The following NSMCE2 variants were observed in gnomAD, a reference collection of about 807,000 sequenced individuals.
NSMCE2 encodes the protein E3 SUMO-protein ligase NSE2.
Under a neutral mutation model 23.8 loss-of-function variants are expected in NSMCE2, and 24 were observed. That is an observed-to-expected ratio of 1.01 (90% CI 0.73 to 1.42). The LOEUF (loss-of-function observed/expected upper bound fraction) is 1.42. NSMCE2 is among the 40% of genes most tolerant of loss of function. The probability of loss-of-function intolerance (pLI) is 0.00; values close to 1 mark genes in which losing one functional copy is unlikely to be tolerated. For synonymous variants in NSMCE2, 92 were observed against 94.1 expected (o/e 0.98, Z 0.13); for missense variants, 284 against 296.5 (o/e 0.96, Z 0.31).
intron 1 of NSMCE2, chr8:125,094,368 TG>T (rs1236642991): frequency 6.6e-6 from 1 of 152,188 alleles, no homozygotes; most frequent in African/African-American, 2.4e-5. Context: ...CTGTATTTAT[TG>T]GGAGAGATTG....
At chr8:125,171,431 T>C (rs1822200873) in intron 4 of NSMCE2, among the ~76,000 whole-genome samples, 1 of 152,176 alleles carries the variant, frequency 6.6e-6, no homozygotes, top group Admixed American at 6.5e-5. Context: ...AATACTGAGC[T>C]CTTCAACCCC....
chr8:125,278,314 C>T (rs1438822646), intron 5 of NSMCE2, among the ~76,000 whole-genome samples: 3 of 152,146 alleles, frequency 2.0e-5, no homozygotes, highest in Non-Finnish European at 4.4e-5. Flanking sequence ...CCAGTAAGGC[C>T]CTTCAGAGCA....
chr8:125,244,415 G>C (rs1043661057), intron 5 of NSMCE2, among the ~76,000 whole-genome samples: 3 of 152,030 alleles, frequency 2.0e-5, no homozygotes, highest in Non-Finnish European at 4.4e-5. Context: ...GGCTAAGGGA[G>C]GGGGAAAGAA....
chr8:125,253,316 C>T (rs1391596413), intron 5 of NSMCE2, among the ~76,000 whole-genome samples: 1 of 152,170 alleles, frequency 6.6e-6, no homozygotes, highest in Non-Finnish European at 1.5e-5. Context: ...AGCTCAAAGC[C>T]TTGACCATGC....
chr8:125,353,896 A>G (rs905269210), intron 5 of NSMCE2, among the ~76,000 whole-genome samples: 1 of 113,608 alleles, frequency 8.8e-6, no homozygotes, highest in Non-Finnish European at 2.1e-5. Flanking sequence ...AAACTAAAAA[A>G]TAAAAAATAT....
chr8:125,240,441 A>T (rs1343869563), intron 5 of NSMCE2, among the ~76,000 whole-genome samples: 1 of 152,134 alleles, frequency 6.6e-6, no homozygotes, highest in Non-Finnish European at 1.5e-5. Context: ...TCAGAATTAC[A>T]TTACTGTCTT....
At chr8:125,109,092 C>T (rs1818606563) in intron 3 of NSMCE2, among the ~76,000 whole-genome samples, 1 of 152,160 alleles carries the variant, frequency 6.6e-6, no homozygotes, top group Non-Finnish European at 1.5e-5. Context: ...GGTATTGTAA[C>T]TAAGGTAAAA....
chr8:125,162,489 T>C (rs1821679338), intron 4 of NSMCE2, among the ~76,000 whole-genome samples: 1 of 150,016 alleles, frequency 6.7e-6, no homozygotes, highest in Admixed American at 6.6e-5. Flanking sequence ...TAATTAATGA[T>C]TTTTTTTTTC....
At chr8:125,261,981 C>T (rs566004370) in intron 5 of NSMCE2, among the ~76,000 whole-genome samples, 3 of 151,914 alleles carry the variant, frequency 2.0e-5, no homozygotes, top group African/African-American at 7.3e-5. Context: ...CCTGTCATCT[C>T]AATTACTCGG....
chr8:125,151,940 G>T (rs940590538), intron 4 of NSMCE2, among the ~76,000 whole-genome samples: 2 of 152,130 alleles, frequency 1.3e-5, no homozygotes, highest in African/African-American at 4.8e-5. Context: ...AACTGATTTT[G>T]TATACCTGTG....
chr8:125,094,954 G>A (rs1324219322), intron 1 of NSMCE2, among the ~76,000 whole-genome samples: 1 of 152,158 alleles, frequency 6.6e-6, no homozygotes, highest in East Asian at 1.9e-4. Flanking sequence ...CCCGGCTCAA[G>A]CGATCCTACC....
chr8:125,250,756 T>A (rs1329888847), intron 5 of NSMCE2, among the ~76,000 whole-genome samples: 1 of 152,098 alleles, frequency 6.6e-6, no homozygotes, highest in African/African-American at 2.4e-5. Context: ...GCTCAAGAGA[T>A]CCTCCAACCT....
chr8:125,201,118 C>T (rs940527469), intron 5 of NSMCE2, among the ~76,000 whole-genome samples: 8 of 152,188 alleles, frequency 5.3e-5, no homozygotes, highest in African/African-American at 1.7e-4. Context: ...TTAGAACATG[C>T]TCCTTTAGCT....
In NSMCE2 at chr8:125,226,417, G is replaced by A. The variant is rs149343296; in HGVS notation, c.418+44161G>A. ...AGTGCATCCTTTGTAACTGAAGCTA[G>A]TGCAAATGAGGACAGGAGTGGAGGG... On this transcript the variant is annotated intron_variant, in intron 5 of 7. Transcript: ENST00000287437. Among the ~76,000 whole-genome samples the A allele has an allele frequency of 1.1e-4, 16 of 152,326 alleles. No homozygotes were observed. The East Asian group carries it at 2.9e-3, about 28-fold the overall frequency.
rs1829812083 is a variant in NSMCE2, at chr8:125,330,017, G to A, written c.419-27202G>A. 2.0e-5 allele frequency among the ~76,000 whole-genome samples: 3 copies of A among 152,152 alleles called. No homozygotes were observed. The South Asian group carries it at 6.2e-4, about 32-fold the overall frequency. On this transcript the variant is annotated intron_variant, in intron 5 of 7. Coordinates refer to ENST00000287437, the MANE Select transcript of NSMCE2 (RefSeq NM_173685.4). ...CTAGAATCATTGACCCTGAGGTTGG[G>A]AGTTAAAGCCAAAGGTGGGTAAGCT...
chr8:125,362,425 T>C (rs1253942937), intron 7 of NSMCE2, among the ~76,000 whole-genome samples: 2 of 152,206 alleles, frequency 1.3e-5, no homozygotes, highest in Non-Finnish European at 2.9e-5. Context: ...TAGCACCCCA[T>C]GTCATGCCAA....
At chr8:125,275,438 C>T (rs1827411907) in intron 5 of NSMCE2, among the ~76,000 whole-genome samples, 1 of 152,078 alleles carries the variant, frequency 6.6e-6, no homozygotes, top group African/African-American at 2.4e-5. Context: ...TTCCCTGTAC[C>T]CTCCCATGGT....
At chr8:125,291,212 T>A (rs780757851) in intron 5 of NSMCE2, among the ~76,000 whole-genome samples, 2 of 152,212 alleles carry the variant, frequency 1.3e-5, no homozygotes, top group Non-Finnish European at 2.9e-5. Context: ...CTAACTTTGC[T>A]TATTCATCCG....
At chr8:125,332,478 T>G (rs993866740) in intron 5 of NSMCE2, among the ~76,000 whole-genome samples, 2 of 152,372 alleles carry the variant, frequency 1.3e-5, no homozygotes, top group Admixed American at 6.5e-5. Flanking sequence ...GTTGTATCAA[T>G]TAAATGGTGC....
Sources: gnomAD v4.1 joint callset for allele counts (sites outside exome capture counted in the v4.1 genomes callset) on GRCh38, gnomAD v4.1.1 for gene constraint, MANE v1.5 for transcripts, NCBI Gene and HGNC (gene_info 2026-07-23, HGNC 2026-07-21) for gene names.